PRKG1: variants seen among roughly 807,000 people sequenced by gnomAD.
PRKG1 encodes the protein cGMP-dependent protein kinase 1.
A neutral mutation model predicts 88.1 loss-of-function variants in PRKG1; 35 were observed. That is an observed-to-expected ratio of 0.40 (90% CI 0.30 to 0.53). PRKG1 has a LOEUF of 0.53. Among genes scored for constraint, PRKG1 ranks in the 20% least tolerant of loss-of-function variants. PRKG1 has a pLI of 0.59. For missense variants in PRKG1, 540 were observed against 839.8 expected, an observed-to-expected ratio of 0.64 and a Z score of 4.41; for synonymous variants, 303 against 292.5, an observed-to-expected ratio of 1.04 and a Z score of -0.37.
rs1306625046 is a variant in PRKG1 at position 52,193,566 on chromosome 10, AAAAAAAAAAC to A, written c.1076+31613_1076+31622del. 1.6e-3 allele frequency among the ~76,000 whole-genome samples: 228 copies of A among 140,428 alleles called. 4 individuals carry two copies. Among genetic ancestry groups the A allele is most frequent in the African/African-American group, 5.7e-3 (219 of 38,644 alleles). The allele number at this position is 140,428 out of a possible 152,430, so 92.1% of individuals were successfully genotyped here. On this transcript the variant is annotated intron_variant, in intron 9 of 17. Transcript: ENST00000373980. ...TCTGTCTCAAAAAAAAAAAAAACAA[AAAAAAAAAAC>A]AAAAAAAAAACTATTCCAAATGTCA...
intron 2 of PRKG1, among the ~76,000 whole-genome samples, chr10:51,343,118 A>G (rs1341274391): frequency 6.6e-6 from 1 of 152,204 alleles, no homozygotes; most frequent in Admixed American, 6.5e-5. Context: ...GTGAGCTTCC[A>G]TGCTACTACT....
intron 8 of PRKG1, among the ~76,000 whole-genome samples, chr10:52,146,958 G>C (rs1412142959): frequency 6.6e-6 from 1 of 152,190 alleles, no homozygotes; most frequent in Non-Finnish European, 1.5e-5. Flanking sequence ...TCAGCCCAAG[G>C]CATTAGTTAC....
rs372425256 is a variant in PRKG1 at position 51,254,900 on chromosome 10, C to T, written c.478+101570C>T. On this transcript the variant is annotated intron_variant, in intron 2 of 17. Transcript: ENST00000373980. ...ATATGACAAACATTTGGATTCTGTT[C>T]CCTTTGATGAACTGAAGGAAATGTA... Among the ~76,000 whole-genome samples, 5 of 152,024 alleles carry T rather than the reference C, an allele frequency of 3.3e-5. 1 individual carries two copies. The highest frequency in any genetic ancestry group is 1.2e-4 in the African/African-American group (5 of 41,504).
chr10:51,585,251 A>G (rs564216295), intron 3 of PRKG1, among the ~76,000 whole-genome samples: 3 of 152,242 alleles, frequency 2.0e-5, no homozygotes, highest in African/African-American at 7.2e-5. Context: ...ATCAAGGAAA[A>G]TAAAACTGGA....
chr10:51,392,889 C>T (rs1307041917), intron 2 of PRKG1, among the ~76,000 whole-genome samples: 56 of 116,550 alleles, frequency 4.8e-4, no homozygotes, highest in African/African-American at 1.3e-3. Flanking sequence ...CCAGACGGGG[C>T]GGCTGGCCGG....
At chr10:51,545,745 G>A (rs1440167881) in intron 3 of PRKG1, among the ~76,000 whole-genome samples, 1 of 152,000 alleles carries the variant, frequency 6.6e-6, no homozygotes, top group African/African-American at 2.4e-5. Flanking sequence ...AGCTTTTACT[G>A]TATTCTTAAA....
chr10:51,360,317 T>G (rs2132585138), intron 2 of PRKG1, among the ~76,000 whole-genome samples: 1 of 152,010 alleles, frequency 6.6e-6, no homozygotes, highest in East Asian at 1.9e-4. Flanking sequence ...ACAGGTAAAC[T>G]TATGCACATA....
intron 1 of PRKG1, among the ~76,000 whole-genome samples, chr10:51,119,561 T>G (rs1340193645): frequency 6.6e-6 from 1 of 151,996 alleles, no homozygotes; most frequent in Non-Finnish European, 1.5e-5. Flanking sequence ...AAAACAAAAA[T>G]ATATAAAACC....
At chr10:51,090,791 C>T (rs544452033) in intron 1 of PRKG1, among the ~76,000 whole-genome samples, 2 of 152,130 alleles carry the variant, frequency 1.3e-5, no homozygotes, top group Non-Finnish European at 2.9e-5. Flanking sequence ...AGACCCACTG[C>T]TTTAATGATT....
At chr10:51,441,791 G>C (rs1336392223) in intron 2 of PRKG1, among the ~76,000 whole-genome samples, 1 of 151,842 alleles carries the variant, frequency 6.6e-6, no homozygotes, top group East Asian at 1.9e-4. Flanking sequence ...GACTCTAAAG[G>C]AATTGTTCTC....
chr10:51,209,867 T>A (rs994760196), intron 2 of PRKG1, among the ~76,000 whole-genome samples: 14 of 152,184 alleles, frequency 9.2e-5, no homozygotes, highest in African/African-American at 2.9e-4. Flanking sequence ...TTCATTAAAC[T>A]TGAAGGCAAT....
intron 2 of PRKG1, among the ~76,000 whole-genome samples, chr10:51,411,919 C>T (rs1838099228): frequency 6.6e-6 from 1 of 152,022 alleles, no homozygotes; most frequent in Admixed American, 6.6e-5. Flanking sequence ...AAAGTAACGG[C>T]AGCACTGAAA....
At chr10:51,823,535 T>G (rs1839802507) in intron 4 of PRKG1, among the ~76,000 whole-genome samples, 1 of 151,984 alleles carries the variant, frequency 6.6e-6, no homozygotes, top group Admixed American at 6.6e-5. Context: ...GTATATAACA[T>G]TTGACTGTAC....
At position 51,688,076 on chromosome 10, in the gene PRKG1, A is replaced by G. The variant is rs1013130001; in HGVS notation, c.593-116509A>G. Among the ~76,000 whole-genome samples, 3 of 152,110 alleles carry G rather than the reference A, an allele frequency of 2.0e-5. No individual in the cohort carries two copies. The East Asian group carries it at 5.8e-4, about 29-fold the overall frequency. On this transcript the variant is annotated intron_variant, in intron 3 of 17. Transcript: ENST00000373980. ...GGGAAGCCATGTAGGTAAATTAAAA[A>G]TCCCTTCTATTTGTCATAATATTAA...
At chr10:52,166,829 G>GTATATATA (rs550569578) in intron 9 of PRKG1, among the ~76,000 whole-genome samples, 10 of 5,576 alleles carry the variant, frequency 1.8e-3, no homozygotes, top group African/African-American at 4.5e-3. Context: ...GTATATATAT[G>GTATATATA]TATATATATG....
At chr10:51,739,954 T>C (rs1340839259) in intron 3 of PRKG1, among the ~76,000 whole-genome samples, 1 of 152,106 alleles carries the variant, frequency 6.6e-6, no homozygotes, top group Non-Finnish European at 1.5e-5. Context: ...ACAAACAAAA[T>C]AGTAGTACAG....
intron 9 of PRKG1, among the ~76,000 whole-genome samples, chr10:52,197,315 GATAAAAATAAGTAAA>G (rs1192666763): frequency 1.3e-5 from 2 of 152,120 alleles, no homozygotes; most frequent in African/African-American, 2.4e-5. Context: ...ACATAGGCTG[GATAAAAATAAGTAAA>G]CATGTCAACT....
At chr10:52,163,348 TATA>T (rs1838332639) in intron 9 of PRKG1, among the ~76,000 whole-genome samples, 1 of 148,876 alleles carries the variant, frequency 6.7e-6, no homozygotes. Context: ...TTTATATAAT[TATA>T]ATCATATTAT....
intron 9 of PRKG1, among the ~76,000 whole-genome samples, chr10:52,204,500 T>C (rs201653754): frequency 6.6e-6 from 1 of 152,160 alleles, no homozygotes; most frequent in East Asian, 1.9e-4. Flanking sequence ...CCATAAATTG[T>C]GAAGATTTCA....
Sources: allele counts gnomAD v4.1 joint callset (sites outside exome capture counted in the v4.1 genomes callset), GRCh38; gene constraint gnomAD v4.1.1; transcripts MANE v1.5; gene names NCBI Gene and HGNC (gene_info 2026-07-23, HGNC 2026-07-21).